Variants in CCDC6 observed in about 807,000 individuals in gnomAD.
The protein encoded by CCDC6 is coiled-coil domain-containing protein 6.
A neutral mutation model predicts 56.6 loss-of-function variants in CCDC6; 20 were observed. The observed-to-expected ratio is 0.35, with a 90% CI of 0.25 to 0.51. CCDC6 has a LOEUF of 0.51. Ranked by LOEUF, CCDC6 falls within the 20% of genes least tolerant of loss-of-function variation. The pLI is 0.95. For synonymous variants in CCDC6, 241 were observed against 234.4 expected, an observed-to-expected ratio of 1.03 and a Z score of -0.26; for missense variants, 367 against 601.1, an observed-to-expected ratio of 0.61 and a Z score of 4.07.
At position 59,818,581 on chromosome 10, in the gene CCDC6, G is replaced by C. The variant is rs542946221; in HGVS notation, c.583-3826C>G. 1.1e-4 allele frequency among the ~76,000 whole-genome samples: 16 copies of C among 149,732 alleles called. 2 individuals carry two copies. The South Asian group carries it at 2.3e-3, about 22-fold the overall frequency. ...CTTATGTCTGTGTGGGTTTTCTCCA[G>C]ATACTCGAGTTTACTTCCATGTCCC... On this transcript the variant is annotated intron_variant, in intron 3 of 8. Transcript: ENST00000263102.
At chr10:59,834,795 C>A (rs1413176142) in intron 2 of CCDC6, among the ~76,000 whole-genome samples, 3 of 152,074 alleles carry the variant, frequency 2.0e-5, no homozygotes, top group Admixed American at 6.6e-5. Flanking sequence ...CAAGACCAAG[C>A]AGCAATTAAA....
chr10:59,843,803 T>A (rs2132651164), intron 2 of CCDC6, among the ~76,000 whole-genome samples: 1 of 152,326 alleles, frequency 6.6e-6, no homozygotes, highest in African/African-American at 2.4e-5. Flanking sequence ...ACCCAGCTGA[T>A]GCAAAACTAG....
intron 1 of CCDC6, among the ~76,000 whole-genome samples, chr10:59,887,453 C>T (rs999564877): frequency 2.7e-5 from 4 of 148,864 alleles, no homozygotes; most frequent in African/African-American, 1.0e-4. Context: ...GTAAGAGATA[C>T]CCACACAATG....
intron 5 of CCDC6, among the ~76,000 whole-genome samples, chr10:59,810,556 A>G (rs552103122): frequency 8.5e-5 from 13 of 152,308 alleles, no homozygotes; most frequent in African/African-American, 3.1e-4. Context: ...ATGTTTGTGT[A>G]CTCACATGGT....
intron 3 of CCDC6, among the ~76,000 whole-genome samples, chr10:59,820,806 TAGC>T (rs2070744051): frequency 6.7e-6 from 1 of 149,096 alleles, no homozygotes; most frequent in Non-Finnish European, 1.5e-5. Context: ...AAGAAAAAGA[TAGC>T]AGAATACTTT....
In CCDC6 at chr10:59,832,181, T is replaced by C. The variant is rs141393686; in HGVS notation, c.582+344A>G. ...CTTTGAAAGACCAGTTTTAGTTCCA[T>C]AGCAACATTGTCTTAGGAACTTTCA... On this transcript the variant is annotated intron_variant, in intron 3 of 8. Transcript: ENST00000263102. Among the ~76,000 whole-genome samples, 373 of 152,350 alleles carry C rather than the reference T, an allele frequency of 2.4e-3. 2 individuals are homozygous for C. The highest frequency in any genetic ancestry group is 8.5e-3 in the African/African-American group (355 of 41,586).
At chr10:59,822,607 G>A (rs2070757440) in intron 3 of CCDC6, among the ~76,000 whole-genome samples, 1 of 152,114 alleles carries the variant, frequency 6.6e-6, no homozygotes, top group East Asian at 1.9e-4. Flanking sequence ...CCTAAAATAA[G>A]CATCTTGCTG....
At chr10:59,842,750 A>ATTT (rs3043541) in intron 2 of CCDC6, among the ~76,000 whole-genome samples, 7 of 115,534 alleles carry the variant, frequency 6.1e-5, no homozygotes, top group African/African-American at 1.0e-4. Flanking sequence ...ATGGAAGACA[A>ATTT]TTTTTTTTTT....
At chr10:59,857,400 T>C (rs1055100682) in intron 1 of CCDC6, among the ~76,000 whole-genome samples, 3 of 152,228 alleles carry the variant, frequency 2.0e-5, no homozygotes, top group African/African-American at 7.2e-5. Flanking sequence ...TGTGATTGTT[T>C]ATAGTGTTTC....
At chr10:59,811,989 T>C (rs1351627817) in intron 5 of CCDC6, among the ~76,000 whole-genome samples, 4 of 147,962 alleles carry the variant, frequency 2.7e-5, no homozygotes, top group Non-Finnish European at 4.4e-5. Flanking sequence ...AGAATAGGAA[T>C]GAGAGAAAGA....
At chr10:59,812,540 C>G (rs1589037796) in intron 5 of CCDC6, 95 bp downstream of exon 5, 1 of 780,320 alleles carries the variant, frequency 1.3e-6, no homozygotes, top group African/African-American at 1.8e-5. Flanking sequence ...TTAATTACTG[C>G]AAATTCAACA....
chr10:59,869,805 G>A (rs372894040), intron 1 of CCDC6, among the ~76,000 whole-genome samples: 2 of 151,934 alleles, frequency 1.3e-5, no homozygotes, highest in Non-Finnish European at 2.9e-5. Context: ...ATCATCTACC[G>A]GCCCTCCCGT....
chr10:59,855,520 C>G (rs182604768), intron 1 of CCDC6, among the ~76,000 whole-genome samples: 1 of 152,146 alleles, frequency 6.6e-6, no homozygotes, highest in Non-Finnish European at 1.5e-5. Context: ...GAGCCAAGAT[C>G]GTGCCACTGC....
chr10:59,892,230 G>A (rs1217118376), intron 1 of CCDC6, among the ~76,000 whole-genome samples: 3 of 152,182 alleles, frequency 2.0e-5, no homozygotes, highest in Non-Finnish European at 4.4e-5. Flanking sequence ...TCTGTCTGCC[G>A]ATAGTACTAA....
At chr10:59,890,259 C>T (rs546520200) in intron 1 of CCDC6, among the ~76,000 whole-genome samples, 10 of 152,222 alleles carry the variant, frequency 6.6e-5, no homozygotes, top group African/African-American at 2.4e-4. Flanking sequence ...ATCCAGTCAA[C>T]GATGGCTTTC....
intron 1 of CCDC6, among the ~76,000 whole-genome samples, chr10:59,895,540 G>A (rs1477286382): frequency 2.0e-5 from 3 of 152,130 alleles, no homozygotes; most frequent in African/African-American, 4.8e-5. Context: ...GAGGATATAC[G>A]CAAACCCCTT....
Position 59,906,344 on chromosome 10 carries a change from G to C in CCDC6, c.81C>G (p.Cys27Trp). ...SSSSAAMQSSCSSTSGGGGGG... is the reference protein window; with the variant it reads ...SSSSAAMQSSWSSTSGGGGGG... ...CACCGCCGCCGCCCGAGGTCGACGA[G>C]CAGGACGACTGCATGGCGGCCGAGC... Residue 27 changes from cysteine to tryptophan, a missense_variant, in exon 1 of 9, where the codon TGC becomes TGG. Physicochemically the swap from Cys to Trp is radical, Grantham distance 215 (BLOSUM62 -2). Coordinates refer to ENST00000263102, the MANE Select transcript of CCDC6 (RefSeq NM_005436.5). 1 of 1,598,560 alleles carries C rather than the reference G, an allele frequency of 6.3e-7. No homozygotes were observed. Among genetic ancestry groups the C allele is most frequent in the Non-Finnish European group, 8.5e-7 (1 of 1,178,762 alleles).
chr10:59,862,907 T>A (rs1312012057), intron 1 of CCDC6, among the ~76,000 whole-genome samples: 5 of 152,122 alleles, frequency 3.3e-5, no homozygotes. Context: ...AACTCTTCCA[T>A]GTATAGAAGA....
chr10:59,854,889 G>A (rs752445845), intron 1 of CCDC6, among the ~76,000 whole-genome samples: 1 of 152,332 alleles, frequency 6.6e-6, no homozygotes, highest in South Asian at 2.1e-4. Flanking sequence ...GAACAGAAAG[G>A]CTGAGAGGAA....
Sources: gnomAD v4.1 joint callset for allele counts (sites outside exome capture counted in the v4.1 genomes callset) on GRCh38, gnomAD v4.1.1 for gene constraint, MANE v1.5 for transcripts, NCBI Gene and HGNC (gene_info 2026-07-23, HGNC 2026-07-21) for gene names.